DIP2B: variants seen among roughly 807,000 people sequenced by gnomAD.
The protein encoded by DIP2B is disco-interacting protein 2 homolog B.
In DIP2B, 76 loss-of-function variants were observed where a neutral mutation model predicts 198.0. The ratio of observed to expected loss-of-function variants is 0.38; its 90% CI spans 0.32 to 0.46. The LOEUF (loss-of-function observed/expected upper bound fraction) is 0.46. Ranked by LOEUF, DIP2B falls within the 20% of genes least tolerant of loss-of-function variation. The pLI, the probability that DIP2B is intolerant of heterozygous loss-of-function variation, is 0.99. For missense variants in DIP2B, 1,559 were observed against 1,978.4 expected (o/e 0.79, Z 4.02); for synonymous variants, 701 against 739.1 (o/e 0.95, Z 0.84).
intron 1 of DIP2B, among the ~76,000 whole-genome samples, chr12:50,619,334 T>A (rs1593660860): frequency 6.6e-6 from 1 of 152,166 alleles, no homozygotes; most frequent in East Asian, 1.9e-4. Context: ...CCTGAACAAC[T>A]ACCAAACATG....
chr12:50,738,934 G>A (rs1347308477), intron 35 of DIP2B, among the ~76,000 whole-genome samples: 1 of 152,112 alleles, frequency 6.6e-6, no homozygotes, highest in Admixed American at 6.6e-5. Flanking sequence ...GTTAGCTATC[G>A]CTCTGTTTAT....
At chr12:50,698,006 C>T (rs1204185683) in intron 17 of DIP2B, among the ~76,000 whole-genome samples, 1 of 152,092 alleles carries the variant, frequency 6.6e-6, no homozygotes, top group African/African-American at 2.4e-5. Context: ...ATGGTTCTCC[C>T]ACCTTAGCCT....
intron 30 of DIP2B, among the ~76,000 whole-genome samples, chr12:50,730,931 T>G (rs1940031711): frequency 6.6e-6 from 1 of 152,184 alleles, no homozygotes; most frequent in Non-Finnish European, 1.5e-5. Context: ...TCAGTGTTCT[T>G]GATTCACATC....
chr12:50,678,249 G>C (rs1370511469), intron 7 of DIP2B, among the ~76,000 whole-genome samples: 3 of 151,942 alleles, frequency 2.0e-5, no homozygotes, highest in Non-Finnish European at 4.4e-5. Flanking sequence ...GGTAATACTA[G>C]TAAAAAGTCA....
chr12:50,675,273 A>G, intron 6 of DIP2B, 56 bp from the exon 7 acceptor site: 1 of 1,584,490 alleles, frequency 6.3e-7, no homozygotes. Context: ...GGAACTGAGG[A>G]ACTAAAATAT....
chr12:50,707,805 A>AGAACCAACTTCATCCTCCCTCC (rs1423624557), intron 21 of DIP2B, among the ~76,000 whole-genome samples: 1 of 152,074 alleles, frequency 6.6e-6, no homozygotes, highest in African/African-American at 2.4e-5. Context: ...GACCTCCCTC[A>AGAACCAACTTCATCCTCCCTCC]GAACCAACTT....
At chr12:50,595,682 G>A (rs959713847) in intron 1 of DIP2B, among the ~76,000 whole-genome samples, 1 of 152,192 alleles carries the variant, frequency 6.6e-6, no homozygotes, top group Non-Finnish European at 1.5e-5. Context: ...CTACATACAT[G>A]TTCCTCTAGA....
chr12:50,614,161 TC>T (rs1401636920), intron 1 of DIP2B, among the ~76,000 whole-genome samples: 1 of 152,182 alleles, frequency 6.6e-6, no homozygotes, highest in African/African-American at 2.4e-5. Context: ...CCTTCACTGT[TC>T]CTTTAAAACT....
chr12:50,673,707 G>C (rs1056733853), intron 5 of DIP2B, among the ~76,000 whole-genome samples: 5 of 152,176 alleles, frequency 3.3e-5, no homozygotes, highest in Admixed American at 2.6e-4. Flanking sequence ...GCTTACTTGA[G>C]CCCAGGAGGT....
At chr12:50,540,547 C>CTTTTTTTTT (rs55910419) in intron 1 of DIP2B, among the ~76,000 whole-genome samples, 3 of 128,424 alleles carry the variant, frequency 2.3e-5, no homozygotes, top group Non-Finnish European at 3.3e-5. Flanking sequence ...TAAAAAAATT[C>CTTTTTTTTT]TTTTTTTTTT....
Position 50,505,173 on chromosome 12 carries a change from C to T in DIP2B, c.33C>T (p.Ala11=), listed in dbSNP as rs1012751932. ...AACGAGGCCTGGAGCCGTCGCCGGC[C>T]GCGGTGGCGGCGCTGCCGCCTGAAG... is the stretch of plus-strand genomic sequence containing the variant. MAERGLEPSP[A]AVAALPPEVR... is the part of the protein sequence containing the mutation. The change falls in exon 1 of 38, where the codon GCC becomes GCT. Residue 11 remains alanine, a synonymous_variant. Transcript: ENST00000301180. The T allele has an allele frequency of 8.5e-6, 13 of 1,526,126 alleles. No individual in the cohort carries two copies. The African/African-American group carries it at 1.8e-4, about 22-fold the overall frequency. 94.5% of individuals were successfully genotyped at this position (1,526,126 alleles called of 1,614,324 possible). A position where few individuals can be genotyped will look rare whatever the true frequency, so the allele number is the denominator to read the frequency against.
intron 1 of DIP2B, among the ~76,000 whole-genome samples, chr12:50,598,709 T>C (rs1313967779): frequency 1.5e-5 from 2 of 129,782 alleles, no homozygotes; most frequent in Non-Finnish European, 3.3e-5. Context: ...TCTTCCAAGA[T>C]GTCTTCAGAT....
At chr12:50,584,472 G>A (rs11613488) in intron 1 of DIP2B, among the ~76,000 whole-genome samples, 42,251 of 152,078 alleles carry the variant, frequency 0.28, 6,156 homozygotes, top group East Asian at 0.39. Flanking sequence ...AGAATTTCCT[G>A]ATTGGTTTCT....
In DIP2B at chr12:50,663,630, T is replaced by C. The variant is rs927055110; in HGVS notation, c.427+3311T>C. Among the ~76,000 whole-genome samples the C allele has an allele frequency of 8.6e-5, 13 of 151,852 alleles. No individual in the cohort carries two copies. The South Asian group carries it at 2.7e-3, about 32-fold the overall frequency. On this transcript the variant is annotated intron_variant, in intron 4 of 37. Coordinates refer to ENST00000301180, the MANE Select transcript of DIP2B (RefSeq NM_173602.3). ...GCTCATACCTGTAATCTTCACACTT[T>C]GGGAGGCTGAGGTGGGAGGATTGCT...
intron 1 of DIP2B, among the ~76,000 whole-genome samples, chr12:50,561,235 G>A (rs1185934788): frequency 6.6e-6 from 1 of 152,110 alleles, no homozygotes; most frequent in Non-Finnish European, 1.5e-5. Context: ...TGTGCTAGAG[G>A]CCATCATTTA....
At chr12:50,511,291 A>ATTTTTTTTTTTTTTTTCTTTTTTTTTTT (rs1958013933) in intron 1 of DIP2B, among the ~76,000 whole-genome samples, 1 of 64,664 alleles carries the variant, frequency 1.5e-5, no homozygotes, top group African/African-American at 6.0e-5. Context: ...TGTGATTTCT[A>ATTTTTTTTTTTTTTTTCTTTTTTTTTTT]TTTTTTTTTT....
At chr12:50,700,174 G>A (rs1399273154) in intron 19 of DIP2B, among the ~76,000 whole-genome samples, 4 of 152,170 alleles carry the variant, frequency 2.6e-5, no homozygotes, top group East Asian at 1.9e-4. Flanking sequence ...TGGAGCTCAC[G>A]TTCTTGTGGG....
At chr12:50,613,185 T>G (rs1202805547) in intron 1 of DIP2B, among the ~76,000 whole-genome samples, 1 of 152,234 alleles carries the variant, frequency 6.6e-6, no homozygotes, top group Non-Finnish European at 1.5e-5. Context: ...CACAGTGTTG[T>G]GTCCTTGTGC....
Position 50,648,653 on chromosome 12 carries a change from A to G in DIP2B, c.301+7801A>G, listed in dbSNP as rs1169559811. ...GCTGGGATTACAGGCGTGAGCCACC[A>G]CGCCCAGCCCCCTTTTTTTTTTTTT... is the stretch of plus-strand genomic sequence containing the variant. On this transcript the variant is annotated intron_variant, in intron 3 of 37. Coordinates refer to ENST00000301180, the MANE Select transcript of DIP2B (RefSeq NM_173602.3). Among the ~76,000 whole-genome samples, 20 of 115,354 alleles carry G rather than the reference A, an allele frequency of 1.7e-4. No homozygotes were observed. In the Admixed American group the frequency reaches 2.0e-3, roughly 11 times the overall value. The allele number at this position is 115,354 out of a possible 152,430, so 75.7% of individuals were successfully genotyped here. A position where few individuals can be genotyped will look rare whatever the true frequency, so the allele number is the denominator to read the frequency against.
Sources: allele counts gnomAD v4.1 joint callset (sites outside exome capture counted in the v4.1 genomes callset), GRCh38; gene constraint gnomAD v4.1.1; transcripts MANE v1.5; gene names NCBI Gene and HGNC (gene_info 2026-07-23, HGNC 2026-07-21).